Variants in SLC31A2 observed in about 807,000 individuals in gnomAD.
SLC31A2 encodes solute carrier family 31 member 2.
Under a neutral mutation model 14.4 loss-of-function variants are expected in SLC31A2, and 16 were observed. The ratio of observed to expected loss-of-function variants is 1.11; its 90% CI spans 0.75 to 1.69. The LOEUF (loss-of-function observed/expected upper bound fraction) is 1.69, where lower values mean the gene tolerates loss of function less well. Among genes scored for constraint, SLC31A2 ranks in the 40% most tolerant of loss-of-function variants. The pLI, the probability that SLC31A2 is intolerant of heterozygous loss-of-function variation, is 0.00. For missense variants in SLC31A2, 140 were observed against 173.9 expected, an observed-to-expected ratio of 0.81 and a Z score of 1.10; for synonymous variants, 56 against 68.7, an observed-to-expected ratio of 0.82 and a Z score of 0.91.
rs1830042009 is a variant in SLC31A2, at chr9:113,163,022, T to C, written c.*105T>C. ...TCTTCTGATGGCTATTCCTCCACCTTATTCCCAGCCCCTGGAAACTTTGAG... is the reference window on the plus strand; with the variant it reads ...TCTTCTGATGGCTATTCCTCCACCTCATTCCCAGCCCCTGGAAACTTTGAG... On this transcript the variant is annotated 3_prime_UTR_variant, in exon 4 of 4. Transcript: ENST00000259392. 8.9e-7 allele frequency: 1 copy of C among 1,120,552 alleles called. No individual in the cohort carries two copies. The allele number at this position is 1,120,552 out of a possible 1,614,324, so 69.4% of individuals were successfully genotyped here.
intron 2 of SLC31A2, 58 bp downstream of exon 2, chr9:113,157,851 G>C: frequency 7.7e-7 from 1 of 1,304,762 alleles, no homozygotes; most frequent in Admixed American, 1.9e-5. Context: ...CTAGGCAAGG[G>C]AGAATCTGGG....
At position 113,163,825 on chromosome 9, in the gene SLC31A2, A is replaced by G. The variant is rs368706181; in HGVS notation, c.*908A>G. 1.3e-5 allele frequency: 2 copies of G among 152,622 alleles called. No individual in the cohort carries two copies. Among genetic ancestry groups the G allele is most frequent in the Non-Finnish European group, 2.9e-5 (2 of 68,036 alleles). The allele number at this position is 152,622 out of a possible 1,614,324, so 9.5% of individuals were successfully genotyped here. On this transcript the variant is annotated 3_prime_UTR_variant, in exon 4 of 4. Transcript: ENST00000259392. ...AAAAAGCTGCATCTAATAATGTTCA[A>G]TACTTAATATTCTCTATTTATTACT...
chr9:113,160,026 A>C (rs1380623158), intron 2 of SLC31A2, among the ~76,000 whole-genome samples: 2 of 152,064 alleles, frequency 1.3e-5, no homozygotes, highest in Non-Finnish European at 2.9e-5. Flanking sequence ...AATACAAAAA[A>C]ATTAGCCAGG....
chr9:113,161,644 C>G lies in SLC31A2; in HGVS notation c.209C>G (p.Thr70Arg). ...ATCAGCCAGCAGACCATCGCAGAGA[C>G]AGACGGGGACTCTGCAGGCTCAGAT... ...TSISQQTIAETDGDSAGSDSF... is the reference protein window; with the variant it reads ...TSISQQTIAERDGDSAGSDSF... The change falls in exon 3 of 4, where the codon ACA becomes AGA. Residue 70 changes from threonine (T) to arginine (R), a missense_variant. Transcript: ENST00000259392. 3 of 1,614,026 alleles carry G rather than the reference C, an allele frequency of 1.9e-6. No individual in the cohort carries two copies. The highest frequency in any genetic ancestry group is 2.5e-6 in the Non-Finnish European group (3 of 1,179,906).
In SLC31A2 at chr9:113,157,719, T is replaced by C; in HGVS notation, c.7-8T>C. On this transcript the variant is annotated splice_region_variant and splice_polypyrimidine_tract_variant and intron_variant, in intron 1 of 3. Transcript: ENST00000259392. ...TGCCCCTATGATGCAGATTCCTTTCTCTTTCAGATGCATTTCATCTTCTCA... is the reference window on the plus strand; with the variant it reads ...TGCCCCTATGATGCAGATTCCTTTCCCTTTCAGATGCATTTCATCTTCTCA... The C allele has an allele frequency of 1.9e-6, 3 of 1,609,996 alleles. No individual in the cohort carries two copies. The highest frequency in any genetic ancestry group is 2.5e-6 in the Non-Finnish European group (3 of 1,177,634).
intron 1 of SLC31A2, 42 bp from the exon 2 acceptor site, chr9:113,157,685 A>G (rs758680456): frequency 2.4e-5 from 36 of 1,527,718 alleles, no homozygotes; most frequent in Non-Finnish European, 2.3e-5. Context: ...CGTAACTTCC[A>G]CTGCCCTGTG....
chr9:113,156,188 C>T, intron 1 of SLC31A2: 1 of 514,440 alleles, frequency 1.9e-6, no homozygotes, highest in Non-Finnish European at 3.9e-6. Flanking sequence ...AACTGATGGC[C>T]CCCACAGCCT....
In SLC31A2 at chr9:113,151,387, G is replaced by A. The variant is rs1436934241; in HGVS notation, c.6+307G>A. On this transcript the variant is annotated intron_variant, in intron 1 of 3. Transcript: ENST00000259392. The surrounding 1 kb of genome is among the most constrained non-coding windows in gnomAD (Gnocchi z 4.2). ...GGTGGCTGAAGACAGCTGGGTCCGG[G>A]GCCCCCGGCCCCGGACCTCTGGCCG... 2.0e-5 allele frequency among the ~76,000 whole-genome samples: 3 copies of A among 151,906 alleles called. No individual in the cohort carries two copies. Among genetic ancestry groups the A allele is most frequent in the African/African-American group, 7.3e-5 (3 of 41,366 alleles).
chr9:113,162,804 G>A lies in SLC31A2; in HGVS notation c.319G>A (p.Gly107Ser), dbSNP rs759125463. 1.1e-5 allele frequency: 17 copies of A among 1,613,488 alleles called. No homozygotes were observed. Among genetic ancestry groups the A allele is most frequent in the South Asian group, 5.5e-5 (5 of 91,058 alleles). Residue 107 changes from glycine (G) to serine (S), a missense_variant, in exon 4 of 4, where the codon GGC becomes AGC. Coordinates refer to ENST00000259392, the MANE Select transcript of SLC31A2 (RefSeq NM_001860.3). ...AATCCATGTCATCCAGGTGGTCATC[G>A]GCTACTTCATCATGCTGGCCGTAAT... is the stretch of plus-strand genomic sequence containing the variant. ...SLIHVIQVVI[G>S]YFIMLAVMSY...
intron 1 of SLC31A2, among the ~76,000 whole-genome samples, chr9:113,153,896 C>T (rs2118825320): frequency 6.6e-6 from 1 of 152,212 alleles, no homozygotes; most frequent in Non-Finnish European, 1.5e-5. Context: ...TACCAAACCC[C>T]AGGCTGCAGC....
chr9:113,161,813 G>T, intron 3 of SLC31A2, 115 bp downstream of exon 3: 1 of 1,207,968 alleles, frequency 8.3e-7, no homozygotes, highest in Non-Finnish European at 1.2e-6. Context: ...CCCAGGGAAG[G>T]ACCAGGACTT....
chr9:113,163,116 G>A lies in SLC31A2; in HGVS notation c.*199G>A, dbSNP rs1128774. ...CAACCTTCCTTCTCAGCCAGCCTAC[G>A]TAGGGCCCAGGCATGGTCTTGTGTC... is the stretch of plus-strand genomic sequence containing the variant. On this transcript the variant is annotated 3_prime_UTR_variant, in exon 4 of 4. Transcript: ENST00000259392. The A allele has an allele frequency of 0.81, 406,143 of 500,062 alleles. 165,711 individuals are homozygous for A. Among genetic ancestry groups the A allele is most frequent in the East Asian group, 0.88 (25,678 of 29,178 alleles). The allele number at this position is 500,062 out of a possible 1,614,324, so 31.0% of individuals were successfully genotyped here.
rs1830051604 is a variant in SLC31A2 at position 113,163,611 on chromosome 9, G to C, written c.*694G>C. ...TTTCCCTTTCTTGGGGAGAGAATAA[G>C]TGACAGCTGATTAAAGGCAGAGACA... On this transcript the variant is annotated 3_prime_UTR_variant, in exon 4 of 4. Coordinates refer to ENST00000259392, the MANE Select transcript of SLC31A2 (RefSeq NM_001860.3). 6.6e-6 allele frequency: 1 copy of C among 152,460 alleles called. No homozygotes were observed. The highest frequency in any genetic ancestry group is 2.4e-5 in the African/African-American group (1 of 41,448). 9.4% of individuals were successfully genotyped at this position (152,460 alleles called of 1,614,324 possible).
intron 3 of SLC31A2, chr9:113,162,459 T>C: frequency 3.5e-6 from 1 of 281,794 alleles, no homozygotes; most frequent in Non-Finnish European, 6.6e-6. Flanking sequence ...TTTTCTCTTA[T>C]TCCTTATCAG....
At chr9:113,154,028 G>A (rs1303475226) in intron 1 of SLC31A2, among the ~76,000 whole-genome samples, 3 of 152,160 alleles carry the variant, frequency 2.0e-5, no homozygotes, top group African/African-American at 7.2e-5. Flanking sequence ...CTGGAGTGCA[G>A]TGGCATGATC....
chr9:113,151,048 C>A lies in SLC31A2; in HGVS notation c.-27C>A. ...AGGAGACCCGAGCGAGCAGACGCGG[C>A]CCTGGCGCCCGCCCTGCGCACTCAC... is the stretch of plus-strand genomic sequence containing the variant. On this transcript the variant is annotated 5_prime_UTR_variant, in exon 1 of 4. Coordinates refer to ENST00000259392, the MANE Select transcript of SLC31A2 (RefSeq NM_001860.3). This position sits in a 1 kb window ranked among gnomAD's most constrained non-coding sequence, Gnocchi z 4.2. 1.5e-6 allele frequency: 2 copies of A among 1,304,988 alleles called. No homozygotes were observed. Among genetic ancestry groups the A allele is most frequent in the Non-Finnish European group, 2.0e-6 (2 of 1,020,664 alleles). The allele number at this position is 1,304,988 out of a possible 1,614,324, so 80.8% of individuals were successfully genotyped here.
At position 113,151,306 on chromosome 9, in the gene SLC31A2, G is replaced by A. The variant is rs1829860772; in HGVS notation, c.6+226G>A. On this transcript the variant is annotated intron_variant, in intron 1 of 3. Transcript: ENST00000259392. The surrounding 1 kb of genome is among the most constrained non-coding windows in gnomAD (Gnocchi z 4.2). ...TGTCCCTCCTGCTGGGAGGCAGTCC[G>A]GCTAGGCGAGCAGTTACCGAGCGCC... Among the ~76,000 whole-genome samples, 1 of 152,022 alleles carries A rather than the reference G, an allele frequency of 6.6e-6. No individual in the cohort carries two copies. The highest frequency in any genetic ancestry group is 6.5e-5 in the Admixed American group (1 of 15,278).
intron 1 of SLC31A2, among the ~76,000 whole-genome samples, chr9:113,157,232 G>C (rs1015160271): frequency 6.6e-6 from 1 of 152,240 alleles, no homozygotes; most frequent in Non-Finnish European, 1.5e-5. Context: ...TGAGTAGGCA[G>C]ATGTGGAGTA....
chr9:113,152,240 CAGAGGCCA>C (rs1416104398), intron 1 of SLC31A2: 1 of 152,274 alleles, frequency 6.6e-6, no homozygotes, highest in Non-Finnish European at 1.5e-5. Context: ...GTTAAACTTT[CAGAGGCCA>C]AGATTCATCC....
Sources: gnomAD v4.1 joint callset for allele counts (sites outside exome capture counted in the v4.1 genomes callset) on GRCh38, gnomAD v4.1.1 for gene constraint, Gnocchi (gnomAD v3.1) non-coding constraint, MANE v1.5 for transcripts, NCBI Gene and HGNC (gene_info 2026-07-23, HGNC 2026-07-21) for gene names.